The following CSRNP3 variants were observed in gnomAD, a reference collection of about 807,000 sequenced individuals.
CSRNP3 encodes the protein cysteine/serine-rich nuclear protein 3.
Under a neutral mutation model 48.0 loss-of-function variants are expected in CSRNP3, and 12 were observed. The ratio of observed to expected loss-of-function variants is 0.25; its 90% CI spans 0.16 to 0.41. The LOEUF (loss-of-function observed/expected upper bound fraction) is 0.41, where lower values mean the gene tolerates loss of function less well. CSRNP3 is among the 10% of genes least tolerant of loss of function. CSRNP3 has a pLI of 1.00. For synonymous variants in CSRNP3, 263 were observed against 269.7 expected, an observed-to-expected ratio of 0.98 and a Z score of 0.24; for missense variants, 580 against 724.4, an observed-to-expected ratio of 0.80 and a Z score of 2.29.
chr2:165,535,200 A>G (rs1397712693), intron 3 of CSRNP3, among the ~76,000 whole-genome samples: 1 of 151,904 alleles, frequency 6.6e-6, no homozygotes, highest in Non-Finnish European at 1.5e-5. Context: ...AGGAGGAAGA[A>G]AAACACTTAA....
intron 1 of CSRNP3, among the ~76,000 whole-genome samples, chr2:165,474,593 C>T (rs531536516): frequency 5.9e-5 from 9 of 152,142 alleles, no homozygotes; most frequent in African/African-American, 1.4e-4. Context: ...AAAATTAAGG[C>T]GCAGAGAGGA....
intron 4 of CSRNP3, among the ~76,000 whole-genome samples, chr2:165,648,911 G>A (rs988730895): frequency 6.6e-6 from 1 of 152,052 alleles, no homozygotes; most frequent in Non-Finnish European, 1.5e-5. Context: ...ATGAGTATTC[G>A]ATCAAACCAA....
chr2:165,500,286 T>A (rs1574806550), intron 2 of CSRNP3, among the ~76,000 whole-genome samples: 1 of 151,172 alleles, frequency 6.6e-6, no homozygotes, highest in East Asian at 1.9e-4. Context: ...TCATGTGAGA[T>A]GGAAAATGCA....
intron 4 of CSRNP3, among the ~76,000 whole-genome samples, chr2:165,609,850 A>G (rs528893598): frequency 4.3e-4 from 65 of 152,306 alleles, no homozygotes; most frequent in African/African-American, 1.4e-3. Context: ...ATATCTTTAG[A>G]TGTAGGCAGA....
chr2:165,534,676 AT>A (rs1437746845), intron 3 of CSRNP3, among the ~76,000 whole-genome samples: 10 of 151,872 alleles, frequency 6.6e-5, no homozygotes, highest in Non-Finnish European at 1.2e-4. Context: ...TAATAAAAAA[AT>A]AAAGTGGTTC....
At chr2:165,549,216 G>A (rs931813822) in intron 3 of CSRNP3, among the ~76,000 whole-genome samples, 5 of 151,986 alleles carry the variant, frequency 3.3e-5, no homozygotes, top group East Asian at 1.9e-4. Context: ...AGAGACGACC[G>A]TGTTAGGGAA....
intron 3 of CSRNP3, among the ~76,000 whole-genome samples, chr2:165,540,235 GC>G (rs917931814): frequency 2.0e-5 from 3 of 151,954 alleles, no homozygotes; most frequent in African/African-American, 7.3e-5. Flanking sequence ...GCTTGCCTTG[GC>G]AAATTACTCC....
chr2:165,474,841 G>A (rs1002548238), intron 1 of CSRNP3, among the ~76,000 whole-genome samples: 2 of 152,154 alleles, frequency 1.3e-5, no homozygotes, highest in African/African-American at 4.8e-5. Flanking sequence ...ACCTGCCCCT[G>A]ATATCCAGTG....
intron 3 of CSRNP3, among the ~76,000 whole-genome samples, chr2:165,578,933 G>A (rs529215427): frequency 3.9e-5 from 6 of 152,096 alleles, no homozygotes; most frequent in Non-Finnish European, 8.8e-5. Context: ...AAACCTGTAA[G>A]CCTCATCTTC....
chr2:165,479,721 C>G (rs1459258188), intron 1 of CSRNP3, among the ~76,000 whole-genome samples: 1 of 151,862 alleles, frequency 6.6e-6, no homozygotes, highest in Non-Finnish European at 1.5e-5. Context: ...CCCATCCCTA[C>G]TAAAAATCAA....
chr2:165,674,420 A>G (rs1474990653), intron 5 of CSRNP3, among the ~76,000 whole-genome samples: 1 of 152,032 alleles, frequency 6.6e-6, no homozygotes, highest in Non-Finnish European at 1.5e-5. Context: ...GCTTGTTACA[A>G]ATAACAATTA....
intron 3 of CSRNP3, among the ~76,000 whole-genome samples, chr2:165,541,377 A>T (rs994264490): frequency 2.6e-5 from 4 of 152,032 alleles, no homozygotes; most frequent in Non-Finnish European, 4.4e-5. Context: ...TCTGTCCCTC[A>T]GTGGCTCCTG....
intron 1 of CSRNP3, among the ~76,000 whole-genome samples, chr2:165,482,453 C>T (rs1468111314): frequency 2.6e-5 from 4 of 151,928 alleles, no homozygotes; most frequent in African/African-American, 9.7e-5. Context: ...TTTGTAGAGA[C>T]CAGGTTTCAC....
chr2:165,490,621 A>T (rs1411133714), intron 1 of CSRNP3, among the ~76,000 whole-genome samples: 1 of 143,562 alleles, frequency 7.0e-6, no homozygotes, highest in Non-Finnish European at 1.5e-5. Flanking sequence ...ATGGAACAGA[A>T]CAGAGCCCTC....
chr2:165,520,762 G>A (rs1462608211), intron 3 of CSRNP3, among the ~76,000 whole-genome samples: 1 of 42,240 alleles, frequency 2.4e-5, no homozygotes, highest in African/African-American at 1.6e-4. Context: ...TAGATATATA[G>A]AAATATATTA....
chr2:165,623,573 A>G (rs1175906032), intron 4 of CSRNP3, among the ~76,000 whole-genome samples: 2 of 152,246 alleles, frequency 1.3e-5, no homozygotes, highest in Non-Finnish European at 1.5e-5. Context: ...ACACCATTTT[A>G]TATCAGGAAC....
intron 4 of CSRNP3, among the ~76,000 whole-genome samples, chr2:165,611,166 A>T (rs1444761131): frequency 6.6e-6 from 1 of 152,152 alleles, no homozygotes; most frequent in Non-Finnish European, 1.5e-5. Flanking sequence ...TTGAAAATGT[A>T]TATTTACATG....
chr2:165,651,657 C>CTT lies in CSRNP3; in HGVS notation c.149-6089_149-6088dup, dbSNP rs35970195. On this transcript the variant is annotated intron_variant, in intron 4 of 6. Coordinates refer to ENST00000651982, the MANE Select transcript of CSRNP3 (RefSeq NM_001172173.2). ...TTCTTTTCTCCATTCATTTTGAAAG[C>CTT]TTTTTTTTTTTTTTTTGAGACAGAG... is the stretch of plus-strand genomic sequence containing the variant. Among the ~76,000 whole-genome samples the CTT allele has an allele frequency of 1.8e-3, 241 of 132,190 alleles. 2 individuals are homozygous for CTT. Among genetic ancestry groups the CTT allele is most frequent in the South Asian group, 0.013 (52 of 4,098 alleles). The allele number at this position is 132,190 out of a possible 152,430, so 86.7% of individuals were successfully genotyped here.
At chr2:165,535,775 A>G (rs535639594) in intron 3 of CSRNP3, among the ~76,000 whole-genome samples, 1 of 151,980 alleles carries the variant, frequency 6.6e-6, no homozygotes, top group South Asian at 2.1e-4. Context: ...TAGCAAACAT[A>G]TTGAGAACCT....
Sources: allele counts gnomAD v4.1 joint callset (sites outside exome capture counted in the v4.1 genomes callset), GRCh38; gene constraint gnomAD v4.1.1; transcripts MANE v1.5; gene names NCBI Gene and HGNC (gene_info 2026-07-23, HGNC 2026-07-21).